TCF12: variants seen among roughly 807,000 people sequenced by gnomAD.
TCF12 encodes the protein DNA-binding protein HTF4.
Under a neutral mutation model 86.0 loss-of-function variants are expected in TCF12, and 45 were observed. The observed-to-expected ratio is 0.52, with a 90% CI of 0.41 to 0.67. TCF12 has a LOEUF of 0.67. Ranked by LOEUF, TCF12 falls within the 30% of genes least tolerant of loss-of-function variation. The pLI is 0.00. For missense variants in TCF12, 881 were observed against 859.9 expected, an observed-to-expected ratio of 1.02 and a Z score of -0.31; for synonymous variants, 330 against 299.6, an observed-to-expected ratio of 1.10 and a Z score of -1.05.
chr15:57,064,693 G>A (rs908154166), intron 4 of TCF12, among the ~76,000 whole-genome samples: 2 of 151,258 alleles, frequency 1.3e-5, no homozygotes, highest in Admixed American at 1.3e-4. Context: ...CTACTCGGGA[G>A]GCTGAGGCAG....
At chr15:56,957,423 G>T (rs770643998) in intron 3 of TCF12, among the ~76,000 whole-genome samples, 1 of 151,958 alleles carries the variant, frequency 6.6e-6, no homozygotes, top group Non-Finnish European at 1.5e-5. Flanking sequence ...TTTCTCTTTT[G>T]TGTTTTATAT....
intron 3 of TCF12, among the ~76,000 whole-genome samples, chr15:57,039,470 A>G (rs1596256271): frequency 6.6e-6 from 1 of 152,110 alleles, no homozygotes. Context: ...TTTTCTGACC[A>G]TTTGTGGAAT....
At chr15:57,069,591 C>T (rs191907335) in intron 4 of TCF12, among the ~76,000 whole-genome samples, 153 of 152,238 alleles carry the variant, frequency 1.0e-3, no homozygotes, top group African/African-American at 3.1e-3. Flanking sequence ...GAAACTGAAA[C>T]GACATGTTTG....
chr15:57,172,702 A>G (rs568893760), intron 6 of TCF12, among the ~76,000 whole-genome samples: 132 of 152,256 alleles, frequency 8.7e-4, no homozygotes, highest in African/African-American at 3.1e-3. Context: ...TTGGGTGATG[A>G]AATAACGTGT....
chr15:57,250,424 T>C (rs1202253685), intron 13 of TCF12, among the ~76,000 whole-genome samples: 2 of 152,130 alleles, frequency 1.3e-5, no homozygotes, highest in Non-Finnish European at 2.9e-5. Context: ...GAAATAATAG[T>C]GGCTAAGCAA....
At chr15:57,063,472 T>C (rs2068615482) in intron 3 of TCF12, among the ~76,000 whole-genome samples, 1 of 152,232 alleles carries the variant, frequency 6.6e-6, no homozygotes. Context: ...GGCGTGGTGC[T>C]GGATGGAGAG....
At chr15:57,187,337 C>T (rs1341288419) in intron 6 of TCF12, among the ~76,000 whole-genome samples, 1 of 152,134 alleles carries the variant, frequency 6.6e-6, no homozygotes, top group African/African-American at 2.4e-5. Flanking sequence ...AAAACCATCT[C>T]GCTAAGATTG....
chr15:57,082,362 G>A (rs2048368444), intron 4 of TCF12, among the ~76,000 whole-genome samples: 1 of 152,038 alleles, frequency 6.6e-6, no homozygotes, highest in African/African-American at 2.4e-5. Context: ...AAAAATATAT[G>A]GTATATCTTG....
At chr15:56,963,080 A>G (rs2061844255) in intron 3 of TCF12, among the ~76,000 whole-genome samples, 1 of 137,430 alleles carries the variant, frequency 7.3e-6, no homozygotes, top group African/African-American at 2.7e-5. Flanking sequence ...CTGAAATTGT[A>G]ATAAAAATCA....
At chr15:57,272,946 T>C in intron 18 of TCF12, 84 bp from the exon 19 acceptor site, 1 of 1,297,492 alleles carries the variant, frequency 7.7e-7, no homozygotes, top group Non-Finnish European at 1.1e-6. Flanking sequence ...TTCATTTCCA[T>C]CTTTACGCTT....
chr15:57,248,148 G>A (rs2059946756), intron 13 of TCF12: 8 of 700,980 alleles, frequency 1.1e-5, no homozygotes, highest in East Asian at 2.7e-5. Context: ...TTTTCCAGAA[G>A]CCTCTTAAAC....
intron 4 of TCF12, among the ~76,000 whole-genome samples, chr15:57,084,677 G>A (rs1234479072): frequency 6.6e-6 from 1 of 151,894 alleles, no homozygotes; most frequent in Non-Finnish European, 1.5e-5. Context: ...ATCTGCAAAA[G>A]ACTAGCTTTT....
intron 6 of TCF12, among the ~76,000 whole-genome samples, chr15:57,191,346 C>G (rs551325150): frequency 9.2e-5 from 14 of 152,228 alleles, no homozygotes; most frequent in African/African-American, 3.4e-4. Context: ...TGCCTGTAGT[C>G]CTAGCTGTTT....
At chr15:57,141,183 G>A (rs1403860658) in intron 5 of TCF12, among the ~76,000 whole-genome samples, 2 of 152,148 alleles carry the variant, frequency 1.3e-5, no homozygotes, top group African/African-American at 2.4e-5. Context: ...GATTTCAAAT[G>A]TATTTATTTT....
intron 3 of TCF12, among the ~76,000 whole-genome samples, chr15:57,032,516 C>A (rs1265096937): frequency 7.2e-5 from 11 of 152,208 alleles, no homozygotes; most frequent in Non-Finnish European, 1.5e-4. Flanking sequence ...GCAGCCTGGA[C>A]CTCCCATGCT....
chr15:57,244,739 C>G (rs141662171), intron 13 of TCF12, among the ~76,000 whole-genome samples: 23 of 152,064 alleles, frequency 1.5e-4, no homozygotes, highest in African/African-American at 5.5e-4. Flanking sequence ...GCTGGGATTA[C>G]AGGCGTGACC....
At chr15:57,072,590 A>C in intron 4 of TCF12, 1 of 1,137,414 alleles carries the variant, frequency 8.8e-7, no homozygotes, top group Non-Finnish European at 1.1e-6. Context: ...CTAGGAGTTC[A>C]AATACAGTAA....
chr15:57,126,765 A>G (rs190867270), intron 5 of TCF12, among the ~76,000 whole-genome samples: 5 of 152,222 alleles, frequency 3.3e-5, no homozygotes, highest in Admixed American at 6.5e-5. Flanking sequence ...GAGGATCTCT[A>G]TGCTACATGT....
rs140363284 is a variant in TCF12, at chr15:57,014,421, CA to C, written c.149-49316del. On this transcript the variant is annotated intron_variant, in intron 3 of 20. Transcript: ENST00000333725. ...TGTTGGAGTGGTCACAAAATTGACT[CA>C]AAAAAAAAAAAATTTCTGACCTTCT... Among the ~76,000 whole-genome samples the C allele has an allele frequency of 6.1e-4, 88 of 145,216 alleles. 1 individual carries two copies. Among genetic ancestry groups the C allele is most frequent in the Admixed American group, 1.0e-3 (15 of 14,508 alleles).
Sources: gnomAD v4.1 joint callset for allele counts (sites outside exome capture counted in the v4.1 genomes callset) on GRCh38, gnomAD v4.1.1 for gene constraint, MANE v1.5 for transcripts, NCBI Gene and HGNC (gene_info 2026-07-23, HGNC 2026-07-21) for gene names.